Variants in UBAC2 observed in about 807,000 individuals in gnomAD.
UBAC2 encodes ubiquitin-associated domain-containing protein 2.
UBAC2 carries 26 observed loss-of-function variants against 44.0 expected under a neutral mutation model. The observed-to-expected ratio is 0.59, with a 90% CI of 0.43 to 0.82. UBAC2 has a LOEUF of 0.82. UBAC2 is among the 40% of genes least tolerant of loss of function. The pLI, the probability that UBAC2 is intolerant of heterozygous loss-of-function variation, is 0.00. For missense variants in UBAC2, 329 were observed against 419.4 expected (o/e 0.78, Z 1.88); for synonymous variants, 155 against 154.3 (o/e 1.00, Z -0.04).
At chr13:99,204,282 G>A (rs1381364884) in intron 1 of UBAC2, among the ~76,000 whole-genome samples, 3 of 152,192 alleles carry the variant, frequency 2.0e-5, no homozygotes, top group Non-Finnish European at 4.4e-5. Flanking sequence ...GGGAGGCACA[G>A]TTAAGGAAGA....
chr13:99,363,717 C>T (rs2045295082), intron 7 of UBAC2, among the ~76,000 whole-genome samples: 1 of 152,332 alleles, frequency 6.6e-6, no homozygotes, highest in African/African-American at 2.4e-5. Flanking sequence ...TAGCAAGTCA[C>T]ACGTATATAC....
intron 4 of UBAC2, among the ~76,000 whole-genome samples, chr13:99,262,617 C>T (rs1026308154): frequency 9.0e-5 from 13 of 144,052 alleles, no homozygotes; most frequent in Non-Finnish European, 1.9e-4. Context: ...GCAGGAGAAT[C>T]GCTTGAACCC....
chr13:99,223,670 A>G (rs1487702579), intron 1 of UBAC2, among the ~76,000 whole-genome samples: 1 of 150,308 alleles, frequency 6.7e-6, no homozygotes, highest in East Asian at 2.0e-4. Flanking sequence ...GCAGTCCACA[A>G]ATTTTGCTTG....
intron 4 of UBAC2, among the ~76,000 whole-genome samples, chr13:99,277,720 G>A (rs929454504): frequency 2.0e-5 from 3 of 152,014 alleles, no homozygotes; most frequent in Admixed American, 6.6e-5. Context: ...AATAAAATAG[G>A]CCTTGTAATC....
At chr13:99,350,081 G>A (rs931294490) in intron 7 of UBAC2, among the ~76,000 whole-genome samples, 10 of 152,048 alleles carry the variant, frequency 6.6e-5, no homozygotes, top group Non-Finnish European at 1.5e-4. Flanking sequence ...TATGCCCGCC[G>A]GTTATTCCTA....
chr13:99,258,432 C>T (rs1204696861), intron 4 of UBAC2: 1 of 152,032 alleles, frequency 6.6e-6, no homozygotes, highest in Admixed American at 6.5e-5. Flanking sequence ...ATGACTTTAC[C>T]CTGGATGTGG....
intron 4 of UBAC2, among the ~76,000 whole-genome samples, chr13:99,252,259 C>G (rs1487055921): frequency 1.3e-5 from 2 of 152,232 alleles, no homozygotes; most frequent in African/African-American, 4.8e-5. Context: ...TTAATTATCT[C>G]TGTTAGTATT....
At chr13:99,242,636 A>ACCTCCCTCCCGGACGGGGCGGCTGAC (rs2043323655) in intron 2 of UBAC2, among the ~76,000 whole-genome samples, 3 of 59,098 alleles carry the variant, frequency 5.1e-5, no homozygotes, top group African/African-American at 6.7e-5. Context: ...CGGGGGGCTG[A>ACCTCCCTCCCGGACGGGGCGGCTGAC]CCCCCCCACC....
At chr13:99,351,402 A>G in intron 7 of UBAC2, 1 of 378,856 alleles carries the variant, frequency 2.6e-6, no homozygotes, top group South Asian at 2.0e-5. Context: ...TTAAATGGTT[A>G]TATAGGTAAC....
chr13:99,246,979 A>C (rs540716595), intron 4 of UBAC2, among the ~76,000 whole-genome samples: 2 of 152,296 alleles, frequency 1.3e-5, no homozygotes, highest in African/African-American at 4.8e-5. Context: ...TGTGTAATGT[A>C]AATATATCTC....
intron 1 of UBAC2, among the ~76,000 whole-genome samples, chr13:99,211,099 G>A (rs1198612490): frequency 6.6e-6 from 1 of 152,174 alleles, no homozygotes; most frequent in African/African-American, 2.4e-5. Context: ...ATCCCAAAGG[G>A]TAGTACCAAT....
intron 1 of UBAC2, among the ~76,000 whole-genome samples, chr13:99,208,239 C>T (rs1002010970): frequency 1.4e-4 from 21 of 152,218 alleles, no homozygotes; most frequent in African/African-American, 4.8e-4. Flanking sequence ...TCAGGTGATC[C>T]GCCCTCCTCT....
intron 1 of UBAC2, among the ~76,000 whole-genome samples, chr13:99,217,047 T>C (rs1056620352): frequency 1.3e-5 from 2 of 152,154 alleles, no homozygotes; most frequent in Non-Finnish European, 2.9e-5. Context: ...GCCAGGCTGG[T>C]CTCGAACACC....
At chr13:99,315,018 A>T (rs1218956253) in intron 5 of UBAC2, among the ~76,000 whole-genome samples, 1 of 152,110 alleles carries the variant, frequency 6.6e-6, no homozygotes, top group Non-Finnish European at 1.5e-5. Flanking sequence ...CTCTAACCGG[A>T]TACTGGCGTC....
intron 4 of UBAC2, among the ~76,000 whole-genome samples, chr13:99,267,401 G>A (rs1314981217): frequency 1.3e-5 from 2 of 152,272 alleles, no homozygotes; most frequent in East Asian, 1.9e-4. Flanking sequence ...TTGATGATAA[G>A]GATGAATTTC....
intron 4 of UBAC2, chr13:99,255,341 T>G (rs1331010590): frequency 1.2e-6 from 2 of 1,614,184 alleles, no homozygotes; most frequent in South Asian, 2.2e-5. Flanking sequence ...AGATAGATGA[T>G]GTCAGAAATC....
intron 4 of UBAC2, among the ~76,000 whole-genome samples, chr13:99,282,807 A>G (rs1566484044): frequency 6.6e-6 from 1 of 152,248 alleles, no homozygotes; most frequent in Non-Finnish European, 1.5e-5. Context: ...AATGCTAACC[A>G]TGTCTTGGTA....
intron 1 of UBAC2, among the ~76,000 whole-genome samples, chr13:99,230,813 G>A (rs549953085): frequency 5.9e-5 from 9 of 152,162 alleles, no homozygotes; most frequent in Non-Finnish European, 1.0e-4. Flanking sequence ...CGCTTTGGGA[G>A]GCCGAGGCGG....
At chr13:99,262,237 A>G (rs191181801) in intron 4 of UBAC2, among the ~76,000 whole-genome samples, 2 of 152,356 alleles carry the variant, frequency 1.3e-5, no homozygotes, top group Admixed American at 6.5e-5. Context: ...AGCCTAATGT[A>G]TAAGTTAAAC....
Sources: gnomAD v4.1 joint callset for allele counts (sites outside exome capture counted in the v4.1 genomes callset) on GRCh38, gnomAD v4.1.1 for gene constraint, MANE v1.5 for transcripts, NCBI Gene and HGNC (gene_info 2026-07-23, HGNC 2026-07-21) for gene names.